The following XRCC4 variants were observed in gnomAD, a reference collection of about 807,000 sequenced individuals.
XRCC4 encodes X-ray repair cross complementing 4.
In XRCC4, 28 loss-of-function variants were observed where a neutral mutation model predicts 39.1. That is an observed-to-expected ratio of 0.72 (90% CI 0.53 to 0.98). The LOEUF is 0.98. Ranked by LOEUF, XRCC4 falls within the 50% of genes least tolerant of loss-of-function variation. The probability of loss-of-function intolerance (pLI) is 0.00; values close to 1 mark genes in which losing one functional copy is unlikely to be tolerated. For missense variants in XRCC4, 350 were observed against 376.4 expected, an observed-to-expected ratio of 0.93 and a Z score of 0.58; for synonymous variants, 123 against 126.4, an observed-to-expected ratio of 0.97 and a Z score of 0.18.
At chr5:83,344,650 A>G (rs1188829235) in intron 7 of XRCC4, among the ~76,000 whole-genome samples, 2 of 151,626 alleles carry the variant, frequency 1.3e-5, no homozygotes, top group Non-Finnish European at 2.9e-5. Flanking sequence ...TAATTCCCCT[A>G]TTTTCCTTTG....
intron 7 of XRCC4, among the ~76,000 whole-genome samples, chr5:83,260,151 T>C (rs1379420430): frequency 1.3e-5 from 2 of 152,148 alleles, no homozygotes; most frequent in Non-Finnish European, 2.9e-5. Context: ...TTTGAATTTA[T>C]TCGTAGCTTA....
At chr5:83,199,443 T>A (rs548863803) in intron 4 of XRCC4, among the ~76,000 whole-genome samples, 1 of 152,286 alleles carries the variant, frequency 6.6e-6, no homozygotes, top group African/African-American at 2.4e-5. Flanking sequence ...TTTCTTTGTC[T>A]TCCCAACTCT....
At chr5:83,146,496 G>T (rs2126988) in intron 3 of XRCC4, among the ~76,000 whole-genome samples, 71,568 of 151,930 alleles carry the variant, frequency 0.47, 17,576 homozygotes, top group African/African-American at 0.59. Flanking sequence ...GAATTGGACA[G>T]AGAAAATAGA....
At chr5:83,136,043 A>T (rs879723382) in intron 3 of XRCC4, among the ~76,000 whole-genome samples, 1 of 152,212 alleles carries the variant, frequency 6.6e-6, no homozygotes, top group East Asian at 1.9e-4. Flanking sequence ...ATTTAGAAAC[A>T]GTTATACTTT....
intron 7 of XRCC4, among the ~76,000 whole-genome samples, chr5:83,328,333 A>G (rs1216667964): frequency 1.3e-5 from 2 of 152,108 alleles, no homozygotes; most frequent in African/African-American, 2.4e-5. Flanking sequence ...AACCATATCA[A>G]TATTCATAGT....
chr5:83,342,189 T>G (rs897753855), intron 7 of XRCC4, among the ~76,000 whole-genome samples: 4 of 152,214 alleles, frequency 2.6e-5, no homozygotes, highest in Non-Finnish European at 5.9e-5. Context: ...ACAATTTTGT[T>G]TATCTGAATA....
At chr5:83,088,376 A>T (rs948784041) in intron 1 of XRCC4, among the ~76,000 whole-genome samples, 9 of 152,174 alleles carry the variant, frequency 5.9e-5, no homozygotes, top group African/African-American at 2.2e-4. Flanking sequence ...CTGATCTGCT[A>T]GAGTTCTCAT....
intron 3 of XRCC4, among the ~76,000 whole-genome samples, chr5:83,178,003 T>A (rs959376444): frequency 6.6e-6 from 1 of 152,016 alleles, no homozygotes. Flanking sequence ...ATAGCTGTAA[T>A]TGAGATTGAG....
At chr5:83,188,255 CAGTGG>C in intron 3 of XRCC4, among the ~76,000 whole-genome samples, 1 of 152,054 alleles carries the variant, frequency 6.6e-6, no homozygotes, top group Non-Finnish European at 1.5e-5. Flanking sequence ...CCTTCAAGCT[CAGTGG>C]GGTACTGGCA....
chr5:83,187,090 C>T (rs1210582653), intron 3 of XRCC4, among the ~76,000 whole-genome samples: 1 of 107,084 alleles, frequency 9.3e-6, no homozygotes, highest in East Asian at 2.1e-4. Context: ...ACCACAGGCG[C>T]CCGCCACCAC....
intron 7 of XRCC4, among the ~76,000 whole-genome samples, chr5:83,332,262 CACACAG>C (rs1297217001): frequency 4.0e-5 from 6 of 149,532 alleles, no homozygotes; most frequent in African/African-American, 1.0e-4. Flanking sequence ...CACACACACA[CACACAG>C]AAAGAGAGAG....
intron 7 of XRCC4, among the ~76,000 whole-genome samples, chr5:83,267,842 G>C (rs959606164): frequency 6.6e-6 from 1 of 152,140 alleles, no homozygotes; most frequent in African/African-American, 2.4e-5. Flanking sequence ...TAAAACAAAC[G>C]CATGGAGAAA....
At chr5:83,261,779 A>G (rs1352009727) in intron 7 of XRCC4, among the ~76,000 whole-genome samples, 27 of 152,044 alleles carry the variant, frequency 1.8e-4, no homozygotes, top group Admixed American at 1.7e-3. Context: ...AAACATGAAT[A>G]TGATTTAGCA....
intron 3 of XRCC4, among the ~76,000 whole-genome samples, chr5:83,128,422 C>T (rs545088107): frequency 5.7e-4 from 86 of 152,104 alleles, no homozygotes; most frequent in African/African-American, 1.8e-3. Flanking sequence ...TGAATAATGC[C>T]GCAATAAACA....
chr5:83,262,365 G>C (rs1034120332), intron 7 of XRCC4, among the ~76,000 whole-genome samples: 4 of 152,082 alleles, frequency 2.6e-5, no homozygotes, highest in African/African-American at 7.2e-5. Flanking sequence ...GTTCTAAATT[G>C]AAATATTTGG....
At chr5:83,225,604 A>AG (rs1491149764) in intron 6 of XRCC4, among the ~76,000 whole-genome samples, 1 of 128,330 alleles carries the variant, frequency 7.8e-6, no homozygotes, top group Admixed American at 7.6e-5. Context: ...AATTTATTCC[A>AG]GAAAAAAAAA....
At chr5:83,086,399 G>A (rs1481668748) in intron 1 of XRCC4, among the ~76,000 whole-genome samples, 1 of 152,144 alleles carries the variant, frequency 6.6e-6, no homozygotes, top group Non-Finnish European at 1.5e-5. Context: ...TGTGTTATAT[G>A]CATTATGTAC....
chr5:83,170,059 A>G (rs941510393), intron 3 of XRCC4, among the ~76,000 whole-genome samples: 16 of 152,130 alleles, frequency 1.1e-4, no homozygotes, highest in African/African-American at 3.6e-4. Context: ...AGAAACTTGA[A>G]GATATACTTG....
rs1268030114 is a variant in XRCC4, at chr5:83,165,907, A to G, written c.316-29863A>G. On this transcript the variant is annotated intron_variant, in intron 3 of 7. Coordinates refer to ENST00000396027, the MANE Select transcript of XRCC4 (RefSeq NM_003401.5). ...TCTTTCTTTTTTTTTTTTTTTTGAG[A>G]TGGAGTCTTACTCTGTTTCCCAGGC... Among the ~76,000 whole-genome samples, 6 of 120,916 alleles carry G rather than the reference A, an allele frequency of 5.0e-5. No individual in the cohort carries two copies. In the Admixed American group the frequency reaches 5.7e-4, roughly 12 times the overall value. 79.3% of individuals were successfully genotyped at this position (120,916 alleles called of 152,430 possible). A position where few individuals can be genotyped will look rare whatever the true frequency, so the allele number is the denominator to read the frequency against.
Sources: allele counts gnomAD v4.1 joint callset (sites outside exome capture counted in the v4.1 genomes callset), GRCh38; gene constraint gnomAD v4.1.1; transcripts MANE v1.5; gene names NCBI Gene and HGNC (gene_info 2026-07-23, HGNC 2026-07-21).